ACAP2: variants seen among roughly 807,000 people sequenced by gnomAD.
ACAP2 encodes the protein arf-GAP with coiled-coil, ANK repeat and PH domain-containing protein 2.
Under a neutral mutation model 115.8 loss-of-function variants are expected in ACAP2, and 39 were observed. The ratio of observed to expected loss-of-function variants is 0.34; its 90% CI spans 0.26 to 0.44. The LOEUF is 0.44. Ranked by LOEUF, ACAP2 falls within the 20% of genes least tolerant of loss-of-function variation. ACAP2 has a pLI of 1.00. For missense variants in ACAP2, 662 were observed against 927.6 expected (o/e 0.71, Z 3.72); for synonymous variants, 289 against 315.8 (o/e 0.92, Z 0.90).
At chr3:195,308,936 G>A in intron 10 of ACAP2, 99 bp from the exon 11 acceptor site, 5 of 1,167,958 alleles carry the variant, frequency 4.3e-6, no homozygotes, top group Non-Finnish European at 6.1e-6. Context: ...ATCACATTGT[G>A]TTAATTATGT....
At chr3:195,327,515 T>G (rs1315936043) in intron 8 of ACAP2, among the ~76,000 whole-genome samples, 1 of 151,818 alleles carries the variant, frequency 6.6e-6, no homozygotes, top group Non-Finnish European at 1.5e-5. Context: ...AAAAAATAAT[T>G]CATGAGATAA....
intron 4 of ACAP2, among the ~76,000 whole-genome samples, chr3:195,376,123 G>A (rs556713278): frequency 6.6e-6 from 1 of 152,280 alleles, no homozygotes; most frequent in South Asian, 2.1e-4. Flanking sequence ...GCCAAGTGCA[G>A]TGGCTCACAC....
chr3:195,423,313 T>G (rs1261021467), intron 1 of ACAP2, among the ~76,000 whole-genome samples: 1 of 152,174 alleles, frequency 6.6e-6, no homozygotes, highest in Non-Finnish European at 1.5e-5. Context: ...CAATCCTTTC[T>G]TGGATCTGTT....
chr3:195,282,814 T>C (rs1256657307), intron 22 of ACAP2: 1 of 152,258 alleles, frequency 6.6e-6, no homozygotes, highest in Non-Finnish European at 1.5e-5. Context: ...CTCTAAGTTT[T>C]TAAAATGCAG....
In ACAP2 at chr3:195,346,626, T is replaced by G. The variant is rs529196362; in HGVS notation, c.286-1309A>C. Among the ~76,000 whole-genome samples, 11 of 152,310 alleles carry G rather than the reference T, an allele frequency of 7.2e-5. No homozygotes were observed. In the South Asian group the frequency reaches 1.0e-3, roughly 14 times the overall value. The stretch of plus-strand genomic sequence containing the variant: ...TAAAACCTTCCATATCATATAAAGT[T>G]AAAATTACATGAACATGAAATATAA... On this transcript the variant is annotated intron_variant, in intron 4 of 22. Transcript: ENST00000326793.
chr3:195,419,925 T>G (rs1238051875), intron 1 of ACAP2, among the ~76,000 whole-genome samples: 1 of 152,246 alleles, frequency 6.6e-6, no homozygotes, highest in African/African-American at 2.4e-5. Context: ...CAATACATTT[T>G]AAAGTTTGAT....
intron 15 of ACAP2, 39 bp from the exon 16 acceptor site, chr3:195,297,320 TAA>T (rs761478946): frequency 6.4e-7 from 1 of 1,551,038 alleles, no homozygotes; most frequent in Non-Finnish European, 8.8e-7. Flanking sequence ...AGCTATACAT[TAA>T]AGACCTTAAA....
intron 15 of ACAP2, among the ~76,000 whole-genome samples, chr3:195,298,350 G>C (rs1727797128): frequency 6.7e-6 from 1 of 149,444 alleles, no homozygotes; most frequent in Non-Finnish European, 1.5e-5. Context: ...CCACGTCCCA[G>C]GTTCAAGTGA....
chr3:195,348,017 GAAAGAAAAGAAGAAAAGA>G (rs1731296703), intron 4 of ACAP2, among the ~76,000 whole-genome samples: 1 of 145,576 alleles, frequency 6.9e-6, no homozygotes, highest in Non-Finnish European at 1.5e-5. Flanking sequence ...ATCCTATCTC[GAAAGAAAAGAAGAAAAGA>G]AAAGAAAAAA....
chr3:195,428,204 T>C (rs144614678), intron 1 of ACAP2, among the ~76,000 whole-genome samples: 115 of 151,282 alleles, frequency 7.6e-4, no homozygotes, highest in African/African-American at 2.6e-3. Context: ...TGTATACATA[T>C]ATAGTCATAA....
At chr3:195,437,290 T>G (rs1715621714) in intron 1 of ACAP2, among the ~76,000 whole-genome samples, 1 of 151,782 alleles carries the variant, frequency 6.6e-6, no homozygotes, top group African/African-American at 2.4e-5. Context: ...TGATCCTCCC[T>G]CCTCAGCCTC....
chr3:195,379,825 T>C (rs917259170), intron 4 of ACAP2, among the ~76,000 whole-genome samples: 1 of 151,824 alleles, frequency 6.6e-6, no homozygotes, highest in Non-Finnish European at 1.5e-5. Flanking sequence ...AGGACTTCAA[T>C]AGACAACAAT....
chr3:195,436,092 C>T (rs1372477833), intron 1 of ACAP2, among the ~76,000 whole-genome samples: 2 of 149,826 alleles, frequency 1.3e-5, no homozygotes, highest in Non-Finnish European at 3.0e-5. Flanking sequence ...TATACACATA[C>T]ACACACACAG....
At chr3:195,439,409 C>T (rs1484429231) in intron 1 of ACAP2, among the ~76,000 whole-genome samples, 1 of 151,650 alleles carries the variant, frequency 6.6e-6, no homozygotes. Flanking sequence ...AAACTCCTGG[C>T]CTCAAGCGAT....
intron 4 of ACAP2, 62 bp downstream of exon 4, chr3:195,380,947 G>A (rs935035516): frequency 5.1e-5 from 72 of 1,403,546 alleles, no homozygotes; most frequent in African/African-American, 8.7e-5. Flanking sequence ...AAAACATTGC[G>A]ACTCAAGAAA....
chr3:195,354,413 T>C (rs1414241779), intron 4 of ACAP2, among the ~76,000 whole-genome samples: 1 of 152,236 alleles, frequency 6.6e-6, no homozygotes, highest in Non-Finnish European at 1.5e-5. Flanking sequence ...TGGTTTTGAT[T>C]TGCACTTCTC....
intron 4 of ACAP2, among the ~76,000 whole-genome samples, chr3:195,349,330 A>T (rs372225240): frequency 2.0e-5 from 3 of 152,038 alleles, no homozygotes; most frequent in Non-Finnish European, 4.4e-5. Flanking sequence ...AAAAATACAA[A>T]ATCAGCCGGG....
chr3:195,292,192 C>G, intron 19 of ACAP2, 73 bp downstream of exon 19: 1 of 1,466,028 alleles, frequency 6.8e-7, no homozygotes, highest in African/African-American at 1.4e-5. Flanking sequence ...AATACTAAAG[C>G]CAGTTCAGAA....
intron 22 of ACAP2, among the ~76,000 whole-genome samples, chr3:195,280,401 G>A (rs899134557): frequency 6.6e-6 from 1 of 152,102 alleles, no homozygotes; most frequent in Non-Finnish European, 1.5e-5. Flanking sequence ...GAACCCGGGA[G>A]GTGGAGGTTG....
Sources: allele counts gnomAD v4.1 joint callset (sites outside exome capture counted in the v4.1 genomes callset), GRCh38; gene constraint gnomAD v4.1.1; transcripts MANE v1.5; gene names NCBI Gene and HGNC (gene_info 2026-07-23, HGNC 2026-07-21).